NAALADL2: variants seen among roughly 807,000 people sequenced by gnomAD.
NAALADL2 encodes N-acetylated alpha-linked acidic dipeptidase like 2, also known as inactive N-acetylated-alpha-linked acidic dipeptidase-like protein 2.
Under a neutral mutation model 87.2 loss-of-function variants are expected in NAALADL2, and 76 were observed. The ratio of observed to expected loss-of-function variants is 0.87; its 90% confidence interval spans 0.72 to 1.05. NAALADL2 has a LOEUF of 1.05. Among genes scored for constraint, NAALADL2 ranks in the 50% least tolerant of loss-of-function variants. NAALADL2 has a pLI of 0.00. For missense variants in NAALADL2, 1,089 were observed against 945.8 expected, an observed-to-expected ratio of 1.15 and a Z score of -1.99; for synonymous variants, 354 against 331.0, an observed-to-expected ratio of 1.07 and a Z score of -0.75.
chr3:175,605,645 T>TTTTTTTTTGG (rs1553931392), intron 10 of NAALADL2, among the ~76,000 whole-genome samples: 1 of 33,100 alleles, frequency 3.0e-5, no homozygotes, highest in Non-Finnish European at 1.5e-4. Flanking sequence ...TGCTTGTTTT[T>TTTTTTTTTGG]TTTTTTTTTT....
chr3:175,673,939 TAAG>T (rs1222879725), intron 11 of NAALADL2, among the ~76,000 whole-genome samples: 4 of 152,028 alleles, frequency 2.6e-5, no homozygotes, highest in Admixed American at 6.5e-5. Context: ...CATATTATAT[TAAG>T]AAGAGTTATA....
At chr3:174,684,961 T>C (rs748790629) in intron 2 of NAALADL2, among the ~76,000 whole-genome samples, 2 of 152,138 alleles carry the variant, frequency 1.3e-5, no homozygotes, top group Non-Finnish European at 2.9e-5. Context: ...ATTCATCTTC[T>C]TGTCTGGTTC....
chr3:175,160,610 C>T (rs552286379), intron 2 of NAALADL2, among the ~76,000 whole-genome samples: 30 of 151,874 alleles, frequency 2.0e-4, no homozygotes, highest in Admixed American at 1.7e-3. Flanking sequence ...CCTCGGCCTC[C>T]CAAAGTGCTG....
chr3:175,465,626 C>T (rs546598563), intron 7 of NAALADL2, among the ~76,000 whole-genome samples: 2 of 152,114 alleles, frequency 1.3e-5, no homozygotes, highest in South Asian at 4.1e-4. Context: ...GTGCCCGCCA[C>T]CAAGCCCAGC....
In NAALADL2 at chr3:175,690,145, G is replaced by A. The variant is rs536136844; in HGVS notation, c.1897-47161G>A. On this transcript the variant is annotated intron_variant, in intron 11 of 13. Coordinates refer to ENST00000454872, the MANE Select transcript of NAALADL2 (RefSeq NM_207015.3). ...GCAATCTTTCATGCCACCTGGGAGAGTTTTTATTCCAGATTTCCTTCTATG... is the reference window on the plus strand; with the variant it reads ...GCAATCTTTCATGCCACCTGGGAGAATTTTTATTCCAGATTTCCTTCTATG... Among the ~76,000 whole-genome samples, 5 of 152,124 alleles carry A rather than the reference G, an allele frequency of 3.3e-5. No individual in the cohort carries two copies. In the South Asian group the frequency reaches 1.0e-3, roughly 32 times the overall value.
intron 1 of NAALADL2, among the ~76,000 whole-genome samples, chr3:174,913,309 T>C (rs16865800): frequency 0.013 from 1,951 of 152,248 alleles, 43 homozygotes; most frequent in African/African-American, 0.045. Flanking sequence ...AGTATTCTAG[T>C]GGCTTATTTA....
chr3:175,473,641 A>G (rs1015650772), intron 9 of NAALADL2, among the ~76,000 whole-genome samples: 16 of 151,892 alleles, frequency 1.1e-4, no homozygotes, highest in African/African-American at 2.9e-4. Flanking sequence ...TCAAATATAT[A>G]AAGGTTTATA....
chr3:175,324,464 T>C (rs1238733498), intron 5 of NAALADL2, 139 bp downstream of exon 5: 2 of 670,706 alleles, frequency 3.0e-6, no homozygotes, highest in Non-Finnish European at 4.7e-6. Flanking sequence ...AAGCAATTTA[T>C]TTTTTATCTT....
intron 2 of NAALADL2, among the ~76,000 whole-genome samples, chr3:175,222,524 A>G (rs1743536495): frequency 1.3e-5 from 2 of 152,144 alleles, no homozygotes; most frequent in South Asian, 4.1e-4. Flanking sequence ...GCCAACCTTC[A>G]TTAATTGGCA....
intron 1 of NAALADL2, among the ~76,000 whole-genome samples, chr3:174,954,906 T>G (rs1439367229): frequency 3.3e-5 from 5 of 152,140 alleles, no homozygotes; most frequent in African/African-American, 4.8e-5. Flanking sequence ...TTCTGGATAA[T>G]TCACTTAATT....
At chr3:175,044,181 G>T (rs956077097) in intron 1 of NAALADL2, among the ~76,000 whole-genome samples, 1 of 151,984 alleles carries the variant, frequency 6.6e-6, no homozygotes, top group Non-Finnish European at 1.5e-5. Flanking sequence ...TTCTTAGTGT[G>T]TAGAAACACA....
At chr3:174,485,764 ATG>A (rs1422864616) in intron 1 of NAALADL2, among the ~76,000 whole-genome samples, 1 of 151,976 alleles carries the variant, frequency 6.6e-6, no homozygotes. Context: ...GAACAAATGC[ATG>A]CATGTGTTCA....
chr3:174,918,155 A>AG (rs1734657720), intron 1 of NAALADL2, among the ~76,000 whole-genome samples: 1 of 152,120 alleles, frequency 6.6e-6, no homozygotes, highest in Non-Finnish European at 1.5e-5. Context: ...AAAACATATC[A>AG]GTACTTATTC....
Position 175,251,181 on chromosome 3 carries a change from G to A in NAALADL2, c.820-5230G>A, listed in dbSNP as rs768661647. On this transcript the variant is annotated intron_variant, in intron 3 of 13. Coordinates refer to ENST00000454872, the MANE Select transcript of NAALADL2 (RefSeq NM_207015.3). Reference sequence around the variant, plus strand: ...GTGGAAATCTTTGTCACAGCTCTGCGTATGTGGCCCACCACTCTTTGTCGT... The same window carrying A: ...GTGGAAATCTTTGTCACAGCTCTGCATATGTGGCCCACCACTCTTTGTCGT... Among the ~76,000 whole-genome samples the A allele has an allele frequency of 8.8e-4, 134 of 152,142 alleles. 3 individuals carry two copies. Among genetic ancestry groups the A allele is most frequent in the African/African-American group, 3.4e-4 (14 of 41,424 alleles).
chr3:175,388,565 A>C (rs1768697331), intron 5 of NAALADL2, among the ~76,000 whole-genome samples: 1 of 152,146 alleles, frequency 6.6e-6, no homozygotes. Flanking sequence ...GATTGTAAAT[A>C]ACCACCACCC....
intron 11 of NAALADL2, among the ~76,000 whole-genome samples, chr3:175,677,566 C>G (rs1309160456): frequency 5.5e-5 from 8 of 146,316 alleles, no homozygotes; most frequent in Admixed American, 2.8e-4. Context: ...TCTTAGAGAA[C>G]CAAAAATAGC....
chr3:175,221,198 T>TAAA (rs368539591), intron 2 of NAALADL2, among the ~76,000 whole-genome samples: 3,670 of 135,778 alleles, frequency 0.027, 148 homozygotes, highest in African/African-American at 0.086. Flanking sequence ...GACTCCGTTT[T>TAAA]AAAAAAAAAA....
intron 5 of NAALADL2, among the ~76,000 whole-genome samples, chr3:175,439,740 C>T (rs7638720): frequency 0.79 from 108,546 of 136,600 alleles, 42,585 homozygotes; most frequent in African/African-American, 0.84. Context: ...TCTTTTTTTT[C>T]TTTTTTTGAT....
chr3:175,451,267 T>C (rs187341239), intron 6 of NAALADL2, among the ~76,000 whole-genome samples: 2 of 152,078 alleles, frequency 1.3e-5, no homozygotes, highest in Non-Finnish European at 2.9e-5. Context: ...AATGCCTTCA[T>C]GCATGAGATA....
Sources: gnomAD v4.1 joint callset for allele counts (sites outside exome capture counted in the v4.1 genomes callset) on GRCh38, gnomAD v4.1.1 for gene constraint, MANE v1.5 for transcripts, NCBI Gene and HGNC (gene_info 2026-07-23, HGNC 2026-07-21) for gene names.